Variants in ETV6 observed in about 807,000 individuals in gnomAD.
ETV6 encodes ETS variant transcription factor 6.
ETV6 carries 16 observed loss-of-function variants against 51.1 expected under a neutral mutation model. The ratio of observed to expected loss-of-function variants is 0.31; its 90% confidence interval spans 0.21 to 0.48. ETV6 has a LOEUF of 0.48. ETV6 is among the 20% of genes least tolerant of loss of function. The pLI, the probability that ETV6 is intolerant of heterozygous loss-of-function variation, is 0.99. For missense variants in ETV6, 458 were observed against 594.8 expected (o/e 0.77, Z 2.39); for synonymous variants, 240 against 224.1 (o/e 1.07, Z -0.64).
chr12:11,750,898 G>T (rs1362612258), intron 1 of ETV6: 1 of 469,976 alleles, frequency 2.1e-6, no homozygotes, highest in Admixed American at 2.6e-5. Context: ...TGTGATGCCT[G>T]CTAAAGTTCA....
At chr12:11,859,697 A>G (rs1029663693) in intron 4 of ETV6, among the ~76,000 whole-genome samples, 1 of 152,144 alleles carries the variant, frequency 6.6e-6, no homozygotes, top group Non-Finnish European at 1.5e-5. Context: ...CATTCATTCC[A>G]CTGCGCAGAA....
At chr12:11,760,395 C>T (rs1453186944) in intron 2 of ETV6, among the ~76,000 whole-genome samples, 1 of 152,082 alleles carries the variant, frequency 6.6e-6, no homozygotes, top group Non-Finnish European at 1.5e-5. Flanking sequence ...CGATTGGATA[C>T]CTAGAAGGGA....
intron 2 of ETV6, among the ~76,000 whole-genome samples, chr12:11,754,677 T>G (rs2121078340): frequency 6.6e-6 from 1 of 152,350 alleles, no homozygotes; most frequent in South Asian, 2.1e-4. Context: ...TCATTCTCCT[T>G]GCTTTGAATT....
intron 1 of ETV6, among the ~76,000 whole-genome samples, chr12:11,655,715 T>G (rs1863987536): frequency 1.3e-5 from 2 of 152,226 alleles, no homozygotes; most frequent in South Asian, 4.1e-4. Flanking sequence ...CCTTTTCTTC[T>G]TAGTAAAAAT....
chr12:11,836,784 C>A (rs1946323113), intron 2 of ETV6, among the ~76,000 whole-genome samples: 1 of 151,988 alleles, frequency 6.6e-6, no homozygotes, highest in Non-Finnish European at 1.5e-5. Flanking sequence ...GGATTCAGTT[C>A]TGTATTTGCT....
intron 3 of ETV6, among the ~76,000 whole-genome samples, chr12:11,851,585 A>G (rs529022406): frequency 5.1e-4 from 78 of 152,324 alleles, no homozygotes; most frequent in African/African-American, 1.8e-3. Flanking sequence ...TGCCTTATAC[A>G]TAGCAGTTTC....
chr12:11,738,218 T>C (rs1345745808), intron 1 of ETV6, among the ~76,000 whole-genome samples: 1 of 142,374 alleles, frequency 7.0e-6, no homozygotes, highest in African/African-American at 2.5e-5. Flanking sequence ...CCTTCCTTCC[T>C]TCCTTCCCTC....
chr12:11,653,327 G>C (rs985084010), intron 1 of ETV6, among the ~76,000 whole-genome samples: 3 of 152,162 alleles, frequency 2.0e-5, no homozygotes, highest in African/African-American at 4.8e-5. Flanking sequence ...TAGCAGACAC[G>C]GTCCCTTGTC....
Position 11,753,098 on chromosome 12 carries a change from C to T in ETV6, c.163+519C>T, listed in dbSNP as rs537329310. On this transcript the variant is annotated intron_variant, in intron 2 of 7. Transcript: ENST00000396373. ...CGTTTTCTAGGCCTGCATAGGTCCT[C>T]TCTCTTGCCTCCTCTTTCCTTCACC... Among the ~76,000 whole-genome samples the T allele has an allele frequency of 2.6e-5, 4 of 152,166 alleles. No homozygotes were observed. The South Asian group carries it at 8.3e-4, about 32-fold the overall frequency.
intron 4 of ETV6, among the ~76,000 whole-genome samples, chr12:11,865,108 A>G (rs2710270): frequency 1 from 151,430 of 152,152 alleles, 75,364 homozygotes; most frequent in Middle Eastern, 1. Flanking sequence ...AAAATTAGCC[A>G]GGCATGGTGG....
At chr12:11,694,596 G>A (rs1864837956) in intron 1 of ETV6, among the ~76,000 whole-genome samples, 2 of 152,196 alleles carry the variant, frequency 1.3e-5, no homozygotes, top group Non-Finnish European at 2.9e-5. Context: ...TTTCAAAACA[G>A]TACTTTAAAA....
intron 1 of ETV6, among the ~76,000 whole-genome samples, chr12:11,701,620 T>C (rs1456749720): frequency 6.6e-6 from 1 of 152,174 alleles, no homozygotes; most frequent in Non-Finnish European, 1.5e-5. Flanking sequence ...TTGAGGCAGC[T>C]GAGTAGCAAA....
At chr12:11,668,412 T>TAA (rs775685836) in intron 1 of ETV6, among the ~76,000 whole-genome samples, 5,748 of 151,808 alleles carry the variant, frequency 0.038, 124 homozygotes, top group Admixed American at 0.061. Context: ...TTTTTTTTTT[T>TAA]AAATTGATGT....
At chr12:11,791,094 T>G (rs1268913222) in intron 2 of ETV6, among the ~76,000 whole-genome samples, 1 of 152,208 alleles carries the variant, frequency 6.6e-6, no homozygotes, top group African/African-American at 2.4e-5. Flanking sequence ...TTCTGCCATG[T>G]GAATTTGGTT....
chr12:11,727,485 T>C (rs1865512491), intron 1 of ETV6, among the ~76,000 whole-genome samples: 2 of 152,210 alleles, frequency 1.3e-5, no homozygotes, highest in Admixed American at 1.3e-4. Flanking sequence ...TCTCCCTCTT[T>C]GGTGTCACCT....
At chr12:11,820,483 C>T (rs373089250) in intron 2 of ETV6, among the ~76,000 whole-genome samples, 6 of 152,074 alleles carry the variant, frequency 3.9e-5, no homozygotes, top group South Asian at 2.1e-4. Flanking sequence ...GAAAGAAGAC[C>T]GGGGGAGTCT....
chr12:11,706,143 G>A (rs911537394), intron 1 of ETV6, among the ~76,000 whole-genome samples: 2 of 152,224 alleles, frequency 1.3e-5, no homozygotes, highest in Non-Finnish European at 2.9e-5. Flanking sequence ...CTGAGTTCTT[G>A]ATGTCCTCAG....
intron 4 of ETV6, among the ~76,000 whole-genome samples, chr12:11,859,748 A>T (rs915111038): frequency 1.3e-5 from 2 of 152,204 alleles, no homozygotes; most frequent in African/African-American, 4.8e-5. Flanking sequence ...TTTGTAGTGT[A>T]GGCGCCCTGA....
intron 1 of ETV6, among the ~76,000 whole-genome samples, chr12:11,705,557 T>A (rs748912584): frequency 2.6e-5 from 4 of 152,224 alleles, no homozygotes; most frequent in Non-Finnish European, 5.9e-5. Flanking sequence ...CTTGATTTAG[T>A]CTGGTCTAGC....
Sources: allele counts gnomAD v4.1 joint callset (sites outside exome capture counted in the v4.1 genomes callset), GRCh38; gene constraint gnomAD v4.1.1; transcripts MANE v1.5; gene names NCBI Gene and HGNC (gene_info 2026-07-23, HGNC 2026-07-21).